Variants in RAB6B observed in about 807,000 individuals in gnomAD.
The protein encoded by RAB6B is RAB6B, member RAS oncogene family.
In RAB6B, 7 loss-of-function variants were observed where a neutral mutation model predicts 31.2. The observed-to-expected ratio is 0.22, with a 90% CI of 0.13 to 0.42. The LOEUF (loss-of-function observed/expected upper bound fraction) is 0.42. RAB6B is among the 10% of genes least tolerant of loss of function. The pLI is 1.00. For synonymous variants in RAB6B, 105 were observed against 104.9 expected, an observed-to-expected ratio of 1.00 and a Z score of -0.01; for missense variants, 149 against 280.6, an observed-to-expected ratio of 0.53 and a Z score of 3.35.
At chr3:133,852,996 T>C (rs1250696922) in intron 2 of RAB6B, among the ~76,000 whole-genome samples, 2 of 152,194 alleles carry the variant, frequency 1.3e-5, no homozygotes, top group African/African-American at 4.8e-5. Flanking sequence ...CCCTACCCTC[T>C]TTTCCTTTCC....
At chr3:133,833,141 C>T (rs961543772) in intron 7 of RAB6B, among the ~76,000 whole-genome samples, 14 of 152,172 alleles carry the variant, frequency 9.2e-5, no homozygotes, top group African/African-American at 3.4e-4. Context: ...CCTATGTTTG[C>T]CCTTCAGGTT....
chr3:133,875,581 G>A (rs1936383832), intron 1 of RAB6B, among the ~76,000 whole-genome samples: 1 of 152,164 alleles, frequency 6.6e-6, no homozygotes, highest in African/African-American at 2.4e-5. Context: ...GGCCCAGCCT[G>A]CACATCAGTC....
intron 1 of RAB6B, among the ~76,000 whole-genome samples, chr3:133,886,655 T>C (rs1936551874): frequency 6.6e-6 from 1 of 152,072 alleles, no homozygotes; most frequent in Non-Finnish European, 1.5e-5. Flanking sequence ...CTTTATAAAA[T>C]GGGATGAGCA....
intron 1 of RAB6B, among the ~76,000 whole-genome samples, chr3:133,870,368 G>A (rs1345930989): frequency 1.3e-5 from 2 of 152,164 alleles, no homozygotes; most frequent in African/African-American, 4.8e-5. Flanking sequence ...GGATCATGGG[G>A]ATTACAATTC....
intron 1 of RAB6B, among the ~76,000 whole-genome samples, chr3:133,867,769 A>C (rs1255915507): frequency 6.6e-6 from 1 of 152,204 alleles, no homozygotes; most frequent in South Asian, 2.1e-4. Context: ...GGGCTCAGAA[A>C]GTGAGGGTTT....
chr3:133,855,018 C>T (rs1439488889), intron 2 of RAB6B, among the ~76,000 whole-genome samples: 1 of 152,198 alleles, frequency 6.6e-6, no homozygotes, highest in African/African-American at 2.4e-5. Flanking sequence ...CTTCTTTTAG[C>T]CTTGGCCAGG....
intron 3 of RAB6B, 108 bp from the exon 4 acceptor site, chr3:133,841,498 C>T: frequency 3.3e-6 from 5 of 1,534,046 alleles, no homozygotes; most frequent in Non-Finnish European, 4.5e-6. Context: ...GCATCACCAG[C>T]TCCAGCCCCT....
intron 1 of RAB6B, among the ~76,000 whole-genome samples, chr3:133,887,699 G>A (rs138284680): frequency 1.3e-5 from 2 of 152,288 alleles, no homozygotes; most frequent in African/African-American, 2.4e-5. Context: ...GTGACAGACC[G>A]GGAATAGAAT....
At chr3:133,840,994 C>T (rs927086030) in intron 4 of RAB6B, among the ~76,000 whole-genome samples, 1 of 152,104 alleles carries the variant, frequency 6.6e-6, no homozygotes, top group Non-Finnish European at 1.5e-5. Flanking sequence ...GCAGGGCCAA[C>T]CTTGTGAGCA....
intron 1 of RAB6B, among the ~76,000 whole-genome samples, chr3:133,883,995 T>C (rs902294148): frequency 4.6e-5 from 7 of 152,180 alleles, no homozygotes; most frequent in African/African-American, 1.7e-4. Flanking sequence ...GGCCAGCTGC[T>C]TCAGGCAGAA....
chr3:133,887,303 CAGA>C (rs1250588652), intron 1 of RAB6B, among the ~76,000 whole-genome samples: 1 of 152,200 alleles, frequency 6.6e-6, no homozygotes, highest in African/African-American at 2.4e-5. Flanking sequence ...AGCACATCTT[CAGA>C]AGAAGGGAGC....
chr3:133,886,764 G>A (rs1936553513), intron 1 of RAB6B, among the ~76,000 whole-genome samples: 1 of 152,200 alleles, frequency 6.6e-6, no homozygotes, highest in Non-Finnish European at 1.5e-5. Flanking sequence ...TGCAATGAGG[G>A]AGGAGATGGA....
At chr3:133,873,390 C>A (rs1037759061) in intron 1 of RAB6B, among the ~76,000 whole-genome samples, 2 of 152,148 alleles carry the variant, frequency 1.3e-5, no homozygotes, top group African/African-American at 2.4e-5. Context: ...CCTATACCAA[C>A]ACCCTGGACC....
Position 133,871,966 on chromosome 3 carries a change from G to C in RAB6B, c.71-7324C>G, listed in dbSNP as rs935351501. Among the ~76,000 whole-genome samples the C allele has an allele frequency of 2.0e-5, 3 of 152,190 alleles. No homozygotes were observed. The East Asian group carries it at 5.8e-4, about 29-fold the overall frequency. Reference sequence around the variant, plus strand: ...CAGGGCCTAGGGCCCCAGGAGTTCCGGGAGGAGAGGGCAGGCAGGACAGAT... The same window carrying C: ...CAGGGCCTAGGGCCCCAGGAGTTCCCGGAGGAGAGGGCAGGCAGGACAGAT... On this transcript the variant is annotated intron_variant, in intron 1 of 7. Transcript: ENST00000285208.
chr3:133,856,327 G>A (rs998116099), intron 2 of RAB6B, among the ~76,000 whole-genome samples: 7 of 151,986 alleles, frequency 4.6e-5, no homozygotes, highest in Non-Finnish European at 1.0e-4. Context: ...TGGTACACCA[G>A]GCCCCTGGAC....
rs9811568 is a variant in RAB6B at position 133,895,673 on chromosome 3, C to A, written c.-207G>T. 212,830 of 583,796 alleles carry A rather than the reference C, an allele frequency of 0.36. 41,535 individuals are homozygous for A. The highest frequency in any genetic ancestry group is 0.61 in the African/African-American group (31,378 of 51,404). The allele number at this position is 583,796 out of a possible 1,614,324, so 36.2% of individuals were successfully genotyped here. On this transcript the variant is annotated 5_prime_UTR_variant, in exon 1 of 8. Coordinates refer to ENST00000285208, the MANE Select transcript of RAB6B (RefSeq NM_016577.4). ...GCGGAGGAGGAGGAGGAGAGAGAGG[C>A]GGAGGCGGAGGAAGGCTGGGGCTGG... is the stretch of plus-strand genomic sequence containing the variant.
At chr3:133,887,535 T>C (rs1936566665) in intron 1 of RAB6B, among the ~76,000 whole-genome samples, 1 of 152,162 alleles carries the variant, frequency 6.6e-6, no homozygotes, top group South Asian at 2.1e-4. Context: ...CTGGGAGTGT[T>C]ATTGGCTTGG....
chr3:133,828,026 G>T lies in RAB6B; in HGVS notation c.*762C>A, dbSNP rs1036220250. On this transcript the variant is annotated 3_prime_UTR_variant, in exon 8 of 8. Transcript: ENST00000285208. ...GCCTCTTGCTCTGCCAGTCCCTGAG[G>T]GCACAGAGAACACAAGGTTGCCTGT... 7.5e-5 allele frequency: 53 copies of T among 702,210 alleles called. No individual in the cohort carries two copies. The East Asian group carries it at 1.4e-3, about 18-fold the overall frequency. 43.5% of individuals were successfully genotyped at this position (702,210 alleles called of 1,614,324 possible). A position where few individuals can be genotyped will look rare whatever the true frequency, so the allele number is the denominator to read the frequency against.
chr3:133,833,230 A>G (rs1384189926), intron 7 of RAB6B, among the ~76,000 whole-genome samples: 1 of 152,116 alleles, frequency 6.6e-6, no homozygotes, highest in Non-Finnish European at 1.5e-5. Flanking sequence ...TGAGCTCTGG[A>G]GCCTGTCTCT....
Sources: gnomAD v4.1 joint callset for allele counts (sites outside exome capture counted in the v4.1 genomes callset) on GRCh38, gnomAD v4.1.1 for gene constraint, MANE v1.5 for transcripts, NCBI Gene and HGNC (gene_info 2026-07-23, HGNC 2026-07-21) for gene names.